ZNF330: variants seen among roughly 807,000 people sequenced by gnomAD.
ZNF330 encodes the protein zinc finger protein 330.
Under a neutral mutation model 45.5 loss-of-function variants are expected in ZNF330, and 31 were observed. That is an observed-to-expected ratio of 0.68 (90% CI 0.51 to 0.92). The LOEUF (loss-of-function observed/expected upper bound fraction) is 0.92. Ranked by LOEUF, ZNF330 falls within the 40% of genes least tolerant of loss-of-function variation. The pLI is 0.00. For synonymous variants in ZNF330, 138 were observed against 123.2 expected (o/e 1.12, Z -0.79); for missense variants, 356 against 387.4 (o/e 0.92, Z 0.68).
chr4:141,225,830 AC>A lies in ZNF330; in HGVS notation c.212-933del, dbSNP rs370384299. Among the ~76,000 whole-genome samples, 121 of 151,996 alleles carry A rather than the reference AC, an allele frequency of 8.0e-4. 1 individual carries two copies. Among genetic ancestry groups the A allele is most frequent in the African/African-American group, 2.8e-3 (118 of 41,490 alleles). On this transcript the variant is annotated intron_variant, in intron 4 of 9. Transcript: ENST00000262990. ...AATAGGTAAGTTCTTGCTAGGACTT[AC>A]CCCTATTTTCAGTGTCTCTGGGCTT...
chr4:141,222,298 C>T, intron 1 of ZNF330, 68 bp from the exon 2 acceptor site: 1 of 1,533,706 alleles, frequency 6.5e-7, no homozygotes. Flanking sequence ...TATACTATTT[C>T]TTAGTTTATT....
At chr4:141,231,117 C>T (rs555187321) in intron 7 of ZNF330, among the ~76,000 whole-genome samples, 1 of 152,140 alleles carries the variant, frequency 6.6e-6, no homozygotes, top group East Asian at 1.9e-4. Flanking sequence ...ATACATACTA[C>T]ACACACATAG....
intron 4 of ZNF330, among the ~76,000 whole-genome samples, chr4:141,226,523 A>G (rs1456831106): frequency 1.3e-5 from 2 of 152,172 alleles, no homozygotes; most frequent in Non-Finnish European, 2.9e-5. Flanking sequence ...ATTAGCATAT[A>G]TATTGTATAG....
At chr4:141,233,438 G>T (rs1458765470) in intron 9 of ZNF330, among the ~76,000 whole-genome samples, 2 of 152,262 alleles carry the variant, frequency 1.3e-5, no homozygotes, top group East Asian at 3.9e-4. Context: ...TAAACTGTCA[G>T]TGGCCAAACG....
At chr4:141,224,410 G>T (rs1560785133) in intron 2 of ZNF330, 77 bp from the exon 3 acceptor site, 1 of 1,381,250 alleles carries the variant, frequency 7.2e-7, no homozygotes, top group African/African-American at 1.4e-5. Context: ...TGAAAAGCAG[G>T]TTATTCTTTG....
At chr4:141,229,330 T>C (rs934390058) in intron 5 of ZNF330, among the ~76,000 whole-genome samples, 2 of 152,150 alleles carry the variant, frequency 1.3e-5, no homozygotes, top group Non-Finnish European at 2.9e-5. Flanking sequence ...GTTTACCTTT[T>C]TTTCTTTTGA....
At position 141,230,207 on chromosome 4, in the gene ZNF330, T is replaced by C; in HGVS notation, c.460T>C (p.Cys154Arg). ...TTGTTCTTTTTGCCATAACTTTCTCTGTGAAGATGATCAATTTGAGCATCA... is the reference window on the plus strand; with the variant it reads ...TTGTTCTTTTTGCCATAACTTTCTCCGTGAAGATGATCAATTTGAGCATCA... ...FSCSFCHNFL[C>R]EDDQFEHQAS... is the part of the protein sequence containing the mutation. The change falls in exon 7 of 10, where the codon TGT becomes CGT. Residue 154 changes from cysteine to arginine, a missense_variant. By Grantham distance (180) the Cys-to-Arg change is radical (BLOSUM62 -3). Transcript: ENST00000262990. 6.2e-7 allele frequency: 1 copy of C among 1,611,788 alleles called. No individual in the cohort carries two copies. The highest frequency in any genetic ancestry group is 1.1e-5 in the South Asian group (1 of 90,702).
At chr4:141,222,687 A>G in intron 2 of ZNF330, 196 bp downstream of exon 2, 1 of 469,924 alleles carries the variant, frequency 2.1e-6, no homozygotes, top group Non-Finnish European at 3.8e-6. Flanking sequence ...TATAAAACCT[A>G]GCATATTACT....
intron 4 of ZNF330, 59 bp from the exon 5 acceptor site, chr4:141,226,708 G>A (rs940252028): frequency 6.8e-6 from 9 of 1,319,508 alleles, no homozygotes; most frequent in African/African-American, 5.9e-5. Context: ...GGAGGAATTC[G>A]TGAGTACTGG....
chr4:141,232,734 C>A (rs1053422116), intron 9 of ZNF330, 92 bp downstream of exon 9: 19 of 602,998 alleles, frequency 3.2e-5, no homozygotes, highest in Non-Finnish European at 4.8e-5. Flanking sequence ...TTCTTATTGC[C>A]TCTTCTTATT....
At chr4:141,225,924 G>A (rs1214683203) in intron 4 of ZNF330, among the ~76,000 whole-genome samples, 1 of 152,036 alleles carries the variant, frequency 6.6e-6, no homozygotes, top group Admixed American at 6.6e-5. Context: ...ACATGGAACA[G>A]TTGGGTAGCT....
chr4:141,230,524 C>G (rs1728923895), intron 7 of ZNF330, among the ~76,000 whole-genome samples: 1 of 152,066 alleles, frequency 6.6e-6, no homozygotes. Flanking sequence ...CATTGCAGGA[C>G]TTACACCTTT....
Position 141,234,062 on chromosome 4 carries a change from G to A in ZNF330, c.*73G>A. On this transcript the variant is annotated 3_prime_UTR_variant, in exon 10 of 10. Coordinates refer to ENST00000262990, the MANE Select transcript of ZNF330 (RefSeq NM_014487.6). ...TGTGCTTGATGAATTGTGTGTGGTT[G>A]TTCAAAAGTACCTTAGCCACTTAGC... 1 of 1,521,578 alleles carries A rather than the reference G, an allele frequency of 6.6e-7. No homozygotes were observed. Among genetic ancestry groups the A allele is most frequent in the Non-Finnish European group, 8.8e-7 (1 of 1,139,786 alleles). 94.3% of individuals were successfully genotyped at this position (1,521,578 alleles called of 1,614,324 possible).
chr4:141,223,981 G>T, intron 2 of ZNF330: 1 of 304,722 alleles, frequency 3.3e-6, no homozygotes, highest in Non-Finnish European at 6.5e-6. Context: ...AAGAAGGTTT[G>T]GAAAGTGATT....
At chr4:141,226,171 C>G (rs1410624200) in intron 4 of ZNF330, among the ~76,000 whole-genome samples, 1 of 152,130 alleles carries the variant, frequency 6.6e-6, no homozygotes, top group East Asian at 1.9e-4. Context: ...TGATTTGTAG[C>G]TGTATCACCG....
intron 5 of ZNF330, 73 bp from the exon 6 acceptor site, chr4:141,229,498 G>T (rs1728895105): frequency 6.3e-7 from 1 of 1,586,716 alleles, no homozygotes; most frequent in Non-Finnish European, 8.6e-7. Context: ...CAGTTTTGAT[G>T]GTTGCCGTGG....
At chr4:141,229,791 C>A in intron 6 of ZNF330, 94 bp downstream of exon 6, 1 of 1,478,050 alleles carries the variant, frequency 6.8e-7, no homozygotes, top group Non-Finnish European at 9.3e-7. Flanking sequence ...TTTCAGGATA[C>A]TGTCAATCCT....
chr4:141,229,491 T>C, intron 5 of ZNF330, 80 bp from the exon 6 acceptor site: 1 of 1,574,454 alleles, frequency 6.4e-7, no homozygotes, highest in East Asian at 2.3e-5. Context: ...ATGTATACAG[T>C]TTTGATGGTT....
chr4:141,230,966 G>A (rs1041871979), intron 7 of ZNF330, among the ~76,000 whole-genome samples: 2 of 152,016 alleles, frequency 1.3e-5, no homozygotes, highest in Non-Finnish European at 2.9e-5. Context: ...TTAAATAGTA[G>A]TTACTATTAT....
Sources: gnomAD v4.1 joint callset for allele counts (sites outside exome capture counted in the v4.1 genomes callset) on GRCh38, gnomAD v4.1.1 for gene constraint, MANE v1.5 for transcripts, NCBI Gene and HGNC (gene_info 2026-07-23, HGNC 2026-07-21) for gene names.